Variants in CREB3L2 observed in about 807,000 individuals in gnomAD.
CREB3L2 encodes the protein cyclic AMP-responsive element-binding protein 3-like protein 2.
A neutral mutation model predicts 57.2 loss-of-function variants in CREB3L2; 23 were observed. That is an observed-to-expected ratio of 0.40 (90% CI 0.29 to 0.57). CREB3L2 has a LOEUF of 0.57. CREB3L2 is among the 20% of genes least tolerant of loss of function. The pLI, the probability that CREB3L2 is intolerant of heterozygous loss-of-function variation, is 0.42. For synonymous variants in CREB3L2, 268 were observed against 265.1 expected, an observed-to-expected ratio of 1.01 and a Z score of -0.11; for missense variants, 628 against 634.7, an observed-to-expected ratio of 0.99 and a Z score of 0.11.
intron 1 of CREB3L2, among the ~76,000 whole-genome samples, chr7:137,974,561 C>G (rs1036759806): frequency 6.6e-6 from 1 of 151,880 alleles, no homozygotes; most frequent in Non-Finnish European, 1.5e-5. Flanking sequence ...GGGGATGACA[C>G]GAAAGAGAGA....
chr7:137,901,363 T>C lies in CREB3L2; in HGVS notation c.1034A>G (p.Asn345Ser), dbSNP rs1477531893. 14 of 1,589,312 alleles carry C rather than the reference T, an allele frequency of 8.8e-6. No homozygotes were observed. The African/African-American group carries it at 1.9e-4, about 21-fold the overall frequency. ...ELRKKVEVLENTNRTLLQQLQ... is the reference protein window; with the variant it reads ...ELRKKVEVLESTNRTLLQQLQ... ...GTCCAGTGACACTTACCTATTAGTG[T>C]TCTCTAGAACCTCTACCTTCTTCCG... Residue 345 changes from asparagine to serine, a missense_variant, in exon 8 of 12, where the codon AAC becomes AGC. Asn to Ser is a conservative substitution (Grantham distance 46, BLOSUM62 1). Coordinates refer to ENST00000330387, the MANE Select transcript of CREB3L2 (RefSeq NM_194071.4).
intron 2 of CREB3L2, among the ~76,000 whole-genome samples, chr7:137,920,990 A>C (rs1585626300): frequency 6.6e-6 from 1 of 152,218 alleles, no homozygotes; most frequent in Admixed American, 6.5e-5. Context: ...ATGTTTCTCC[A>C]TGTCCTTACT....
At chr7:138,000,853 G>C (rs888708443) in intron 1 of CREB3L2, among the ~76,000 whole-genome samples, 2 of 152,112 alleles carry the variant, frequency 1.3e-5, no homozygotes, top group African/African-American at 4.8e-5. Flanking sequence ...CGTGCTCTGG[G>C]ACAGCTTAAT....
chr7:137,892,441 A>G (rs905307156), intron 8 of CREB3L2, among the ~76,000 whole-genome samples: 6 of 152,006 alleles, frequency 3.9e-5, no homozygotes, highest in African/African-American at 1.5e-4. Context: ...ACTTGAGGTC[A>G]GGAGTTCGAG....
At position 137,974,669 on chromosome 7, in the gene CREB3L2, A is replaced by G. The variant is rs141219840; in HGVS notation, c.102+26935T>C. The stretch of plus-strand genomic sequence containing the variant: ...CAGTTCTAATGAGGTGACCAAGGAG[A>G]TGGAAAGAAGTGAATGGAGTCAAGC... On this transcript the variant is annotated intron_variant, in intron 1 of 11. Transcript: ENST00000330387. Among the ~76,000 whole-genome samples, 633 of 152,310 alleles carry G rather than the reference A, an allele frequency of 4.2e-3. 5 individuals are homozygous for G. Among genetic ancestry groups the G allele is most frequent in the African/African-American group, 0.015 (606 of 41,554 alleles).
intron 8 of CREB3L2, among the ~76,000 whole-genome samples, chr7:137,898,921 A>G (rs1799680580): frequency 7.1e-6 from 1 of 140,432 alleles, no homozygotes. Flanking sequence ...AAAAATGTGG[A>G]AGGAGGGAGG....
chr7:137,995,767 A>AT (rs1585684461), intron 1 of CREB3L2, among the ~76,000 whole-genome samples: 1 of 152,204 alleles, frequency 6.6e-6, no homozygotes, highest in Non-Finnish European at 1.5e-5. Flanking sequence ...GCTATATCTT[A>AT]TAACTCCTGC....
chr7:137,903,947 C>T lies in CREB3L2; in HGVS notation c.974+12G>A. The stretch of plus-strand genomic sequence containing the variant: ...CTGCCCGATGAACGCAACAGTTTGC[C>T]AGCAGGCTTACTTTTTCTCCAGGCT... On this transcript the variant is annotated intron_variant, in intron 7 of 11. Coordinates refer to ENST00000330387, the MANE Select transcript of CREB3L2 (RefSeq NM_194071.4). 2 of 1,611,384 alleles carry T rather than the reference C, an allele frequency of 1.2e-6. No individual in the cohort carries two copies. The highest frequency in any genetic ancestry group is 1.7e-6 in the Non-Finnish European group (2 of 1,177,494).
chr7:138,002,071 A>G lies in CREB3L2; in HGVS notation c.-366T>C. The G allele has an allele frequency of 3.6e-6, 1 of 280,402 alleles. No homozygotes were observed. The allele number at this position is 280,402 out of a possible 1,614,324, so 17.4% of individuals were successfully genotyped here. On this transcript the variant is annotated 5_prime_UTR_variant, in exon 1 of 12. Coordinates refer to ENST00000330387, the MANE Select transcript of CREB3L2 (RefSeq NM_194071.4). ...CCAGACACAAACTTTGAGGGACCCC[A>G]GGGCTCCTCGGCTCTGCTCCAGGAC...
In CREB3L2 at chr7:137,957,262, C is replaced by T. The variant is rs151256840; in HGVS notation, c.103-28896G>A. ...TCACCCAGGAAATCATGTCACTAGG[C>T]ACCCAAAGTGCACTCAAGGACTCAC... On this transcript the variant is annotated intron_variant, in intron 1 of 11. Transcript: ENST00000330387. Among the ~76,000 whole-genome samples the T allele has an allele frequency of 1.1e-3, 172 of 152,340 alleles. 1 individual carries two copies. The East Asian group carries it at 0.03, about 26-fold the overall frequency.
intron 1 of CREB3L2, chr7:137,953,627 AC>A (rs1267624115): frequency 7.4e-6 from 6 of 807,360 alleles, no homozygotes; most frequent in Non-Finnish European, 1.1e-5. Context: ...TCCTTGTTTC[AC>A]TTGCATTGTG....
intron 1 of CREB3L2, among the ~76,000 whole-genome samples, chr7:137,994,028 A>G (rs896867604): frequency 6.6e-6 from 1 of 152,226 alleles, no homozygotes; most frequent in Non-Finnish European, 1.5e-5. Context: ...CTGAGCAGGG[A>G]AAAAGAGAAA....
intron 8 of CREB3L2, among the ~76,000 whole-genome samples, chr7:137,900,673 G>A (rs1406924725): frequency 7.3e-5 from 11 of 151,708 alleles, no homozygotes; most frequent in Middle Eastern, 3.4e-3. Flanking sequence ...ACGTGGTGGC[G>A]CGTGCCTGTA....
intron 2 of CREB3L2, chr7:137,922,602 C>A: frequency 2.3e-6 from 1 of 443,054 alleles, no homozygotes; most frequent in Non-Finnish European, 4.6e-6. Flanking sequence ...GAGAAAAACA[C>A]ATACGCAGTT....
chr7:137,905,080 T>C (rs1007994345), intron 6 of CREB3L2, among the ~76,000 whole-genome samples: 2 of 151,828 alleles, frequency 1.3e-5, no homozygotes, highest in East Asian at 3.9e-4. Flanking sequence ...CTTCCCTCTT[T>C]GCCCCCTCCC....
chr7:137,974,258 CA>C (rs1318891618), intron 1 of CREB3L2, among the ~76,000 whole-genome samples: 1 of 152,082 alleles, frequency 6.6e-6, no homozygotes, highest in Non-Finnish European at 1.5e-5. Flanking sequence ...AATAATGAAT[CA>C]AAAACATGAA....
intron 9 of CREB3L2, 47 bp downstream of exon 9, chr7:137,885,356 G>GGGCCA (rs1301416736): frequency 5.3e-6 from 8 of 1,497,962 alleles, no homozygotes; most frequent in Non-Finnish European, 6.5e-6. Flanking sequence ...GGGGAGACAG[G>GGGCCA]GGCCAGGCCA....
chr7:137,877,988 T>C lies in CREB3L2; in HGVS notation c.*2488A>G, dbSNP rs1799196153. On this transcript the variant is annotated 3_prime_UTR_variant, in exon 12 of 12. Transcript: ENST00000330387. ...AAGGAGTGGAGGGCAGAGGTTTATC[T>C]AAAAGAGCAGTGATGTTGGTTCTTG... 4.4e-6 allele frequency: 1 copy of C among 227,832 alleles called. No homozygotes were observed. Among genetic ancestry groups the C allele is most frequent in the Non-Finnish European group, 8.7e-6 (1 of 114,860 alleles). The allele number at this position is 227,832 out of a possible 1,614,324, so 14.1% of individuals were successfully genotyped here.
At chr7:137,885,911 G>C (rs1257484234) in intron 8 of CREB3L2, among the ~76,000 whole-genome samples, 1 of 152,188 alleles carries the variant, frequency 6.6e-6, no homozygotes, top group Non-Finnish European at 1.5e-5. Context: ...ACGGTATTAG[G>C]ATGCAGCACC....
Sources: allele counts gnomAD v4.1 joint callset (sites outside exome capture counted in the v4.1 genomes callset), GRCh38; gene constraint gnomAD v4.1.1; transcripts MANE v1.5; gene names NCBI Gene and HGNC (gene_info 2026-07-23, HGNC 2026-07-21).